The following SHROOM3 variants were observed in gnomAD, a reference collection of about 807,000 sequenced individuals.
SHROOM3 encodes the protein protein Shroom3.
In SHROOM3, 47 loss-of-function variants were observed where a neutral mutation model predicts 138.6. The observed-to-expected ratio is 0.34, with a 90% CI of 0.27 to 0.43. SHROOM3 has a LOEUF of 0.43. Among genes scored for constraint, SHROOM3 ranks in the 20% least tolerant of loss-of-function variants. The probability of loss-of-function intolerance (pLI) is 1.00; values close to 1 mark genes in which losing one functional copy is unlikely to be tolerated. For synonymous variants in SHROOM3, 1,062 were observed against 1,063.3 expected, an observed-to-expected ratio of 1.00 and a Z score of 0.02; for missense variants, 2,491 against 2,596.5, an observed-to-expected ratio of 0.96 and a Z score of 0.88.
At chr4:76,764,036 TATTAATA>T (rs1315593733) in intron 9 of SHROOM3, among the ~76,000 whole-genome samples, 40 of 152,324 alleles carry the variant, frequency 2.6e-4, no homozygotes, top group African/African-American at 9.4e-4. Flanking sequence ...TATTTAAAGT[TATTAATA>T]ACCTAAGATA....
chr4:76,624,139 A>T (rs1229277553), intron 2 of SHROOM3, among the ~76,000 whole-genome samples: 1 of 152,252 alleles, frequency 6.6e-6, no homozygotes, highest in African/African-American at 2.4e-5. Context: ...CATAATTAAA[A>T]TGATCATAAA....
chr4:76,665,248 A>G (rs1718659823), intron 2 of SHROOM3, among the ~76,000 whole-genome samples: 1 of 152,188 alleles, frequency 6.6e-6, no homozygotes, highest in African/African-American at 2.4e-5. Context: ...ACTTGGCTGC[A>G]GCTTTACCTA....
chr4:76,673,958 G>A (rs1360693747), intron 2 of SHROOM3, among the ~76,000 whole-genome samples: 1 of 152,118 alleles, frequency 6.6e-6, no homozygotes, highest in Non-Finnish European at 1.5e-5. Context: ...CTGTAACATT[G>A]AACTCCTGGG....
At chr4:76,612,745 C>A (rs1193153884) in intron 2 of SHROOM3, among the ~76,000 whole-genome samples, 1 of 152,092 alleles carries the variant, frequency 6.6e-6, no homozygotes, top group East Asian at 1.9e-4. Flanking sequence ...TTGAGAACAG[C>A]TTGGGCAACA....
rs374342581 is a variant in SHROOM3 at position 76,756,770 on chromosome 4, C to T, written c.5031C>T (p.His1677=). 5 of 1,614,134 alleles carry T rather than the reference C, an allele frequency of 3.1e-6. No homozygotes were observed. The highest frequency in any genetic ancestry group is 4.2e-6 in the Non-Finnish European group (5 of 1,180,030). Residue 1677 remains histidine (H), a synonymous_variant, in exon 8 of 11, where the codon CAC becomes CAT. Coordinates refer to ENST00000296043, the MANE Select transcript of SHROOM3 (RefSeq NM_020859.4). Reference sequence around the variant, plus strand: ...AGGCTTTGGCCAAGGAAATTGTCCACCAAGACAAATCTCTAGCAGACATTT... The same window carrying T: ...AGGCTTTGGCCAAGGAAATTGTCCATCAAGACAAATCTCTAGCAGACATTT... The part of the protein sequence containing the change: ...RTEALAKEIV[H]QDKSLADILD...
At chr4:76,663,374 G>A (rs1577959843) in intron 2 of SHROOM3, among the ~76,000 whole-genome samples, 2 of 152,006 alleles carry the variant, frequency 1.3e-5, no homozygotes, top group African/African-American at 4.8e-5. Context: ...TCATAGGCCT[G>A]GCATTCAAGA....
intron 1 of SHROOM3, among the ~76,000 whole-genome samples, chr4:76,513,850 C>T (rs1314431249): frequency 6.6e-6 from 1 of 152,142 alleles, no homozygotes; most frequent in Non-Finnish European, 1.5e-5. Flanking sequence ...CCGGGTCAGA[C>T]ATTGATCTTT....
At chr4:76,561,660 C>T (rs892048255) in intron 2 of SHROOM3, among the ~76,000 whole-genome samples, 1 of 149,280 alleles carries the variant, frequency 6.7e-6, no homozygotes, top group African/African-American at 2.5e-5. Context: ...TCCACTGCCT[C>T]CTCCTTTTAG....
chr4:76,534,903 G>C (rs953914247), intron 1 of SHROOM3, among the ~76,000 whole-genome samples: 4 of 152,070 alleles, frequency 2.6e-5, no homozygotes, highest in African/African-American at 9.7e-5. Flanking sequence ...TCCTCTTAAG[G>C]ACCATGGAAA....
intron 2 of SHROOM3, among the ~76,000 whole-genome samples, chr4:76,569,842 A>G (rs1411266665): frequency 2.0e-5 from 3 of 152,008 alleles, no homozygotes; most frequent in Non-Finnish European, 4.4e-5. Context: ...AGATGCCAAC[A>G]CCCACTGAAA....
At chr4:76,499,986 A>G (rs925766101) in intron 1 of SHROOM3, among the ~76,000 whole-genome samples, 3 of 152,176 alleles carry the variant, frequency 2.0e-5, no homozygotes, top group Non-Finnish European at 2.9e-5. Context: ...TGTGAGGTAG[A>G]TTATTATCTC....
At chr4:76,623,863 A>G (rs1482051594) in intron 2 of SHROOM3, among the ~76,000 whole-genome samples, 1 of 152,172 alleles carries the variant, frequency 6.6e-6, no homozygotes, top group Admixed American at 6.5e-5. Flanking sequence ...GAAGGGGAGA[A>G]AGATATTCCT....
At chr4:76,641,344 G>A (rs1735662864) in intron 2 of SHROOM3, among the ~76,000 whole-genome samples, 1 of 152,114 alleles carries the variant, frequency 6.6e-6, no homozygotes, top group South Asian at 2.1e-4. Context: ...TCCTCCCTTG[G>A]GACAGCCCAT....
chr4:76,703,288 C>T (rs1405607792), intron 2 of SHROOM3, among the ~76,000 whole-genome samples: 1 of 151,784 alleles, frequency 6.6e-6, no homozygotes, highest in Non-Finnish European at 1.5e-5. Context: ...GCAGAGGGAG[C>T]TTCCTAGATG....
In SHROOM3 at chr4:76,782,705, T is replaced by G. The variant is rs1722764510; in HGVS notation, c.*3528T>G. 6.6e-6 allele frequency: 1 copy of G among 152,202 alleles called. No homozygotes were observed. Among genetic ancestry groups the G allele is most frequent in the Non-Finnish European group, 1.5e-5 (1 of 68,036 alleles). The allele number at this position is 152,202 out of a possible 1,614,324, so 9.4% of individuals were successfully genotyped here. On this transcript the variant is annotated 3_prime_UTR_variant, in exon 11 of 11. Transcript: ENST00000296043. ...AACATGAATTTTATTCACCTTACTATTAGAAAAAGGAATAACTACAGCCAG... is the reference window on the plus strand; with the variant it reads ...AACATGAATTTTATTCACCTTACTAGTAGAAAAAGGAATAACTACAGCCAG...
At position 76,779,309 on chromosome 4, in the gene SHROOM3, TTCTC is replaced by T; in HGVS notation, c.*135_*138del. On this transcript the variant is annotated 3_prime_UTR_variant, in exon 11 of 11. Transcript: ENST00000296043. ...TTTGTTCCTGATGAAAGGAAAAAAATTCTCTCCAGGAGGAAGCCTTTTTCCTTCT... is the reference window on the plus strand; with the variant it reads ...TTTGTTCCTGATGAAAGGAAAAAAATTCCAGGAGGAAGCCTTTTTCCTTCT... 1 of 1,285,048 alleles carries T rather than the reference TTCTC, an allele frequency of 7.8e-7. No individual in the cohort carries two copies. The allele number at this position is 1,285,048 out of a possible 1,614,324, so 79.6% of individuals were successfully genotyped here.
chr4:76,634,992 T>C (rs1186621591), intron 2 of SHROOM3, among the ~76,000 whole-genome samples: 1 of 152,172 alleles, frequency 6.6e-6, no homozygotes. Context: ...TCCACAGATA[T>C]TTATTGAGCA....
chr4:76,508,973 T>C (rs1026140768), intron 1 of SHROOM3, among the ~76,000 whole-genome samples: 10 of 152,148 alleles, frequency 6.6e-5, no homozygotes, highest in Non-Finnish European at 1.3e-4. Flanking sequence ...AATAGAGCCC[T>C]TCCTTCAACC....
At chr4:76,612,856 C>T (rs1734792965) in intron 2 of SHROOM3, among the ~76,000 whole-genome samples, 1 of 152,118 alleles carries the variant, frequency 6.6e-6, no homozygotes, top group Non-Finnish European at 1.5e-5. Flanking sequence ...AGAAGGATCA[C>T]TTGAAGCCAG....
Sources: gnomAD v4.1 joint callset for allele counts (sites outside exome capture counted in the v4.1 genomes callset) on GRCh38, gnomAD v4.1.1 for gene constraint, MANE v1.5 for transcripts, NCBI Gene and HGNC (gene_info 2026-07-23, HGNC 2026-07-21) for gene names.